Variants in PHACTR4 observed in about 807,000 individuals in gnomAD.
The protein encoded by PHACTR4 is phosphatase and actin regulator 4, also known as protein phosphatase 1, regulatory subunit 124.
In PHACTR4, 51 loss-of-function variants were observed where a neutral mutation model predicts 72.7. That is an observed-to-expected ratio of 0.70 (90% confidence interval 0.56 to 0.89). The LOEUF is 0.89. PHACTR4 is among the 40% of genes least tolerant of loss of function. PHACTR4 has a pLI of 0.00. For synonymous variants in PHACTR4, 255 were observed against 302.5 expected, an observed-to-expected ratio of 0.84 and a Z score of 1.63; for missense variants, 731 against 861.8, an observed-to-expected ratio of 0.85 and a Z score of 1.90.
At chr1:28,375,801 G>A (rs1286514690) in intron 1 of PHACTR4, among the ~76,000 whole-genome samples, 1 of 152,202 alleles carries the variant, frequency 6.6e-6, no homozygotes, top group Non-Finnish European at 1.5e-5. Flanking sequence ...CAGGCGCGGT[G>A]GCTCACGCCT....
At chr1:28,418,990 T>C (rs1466741287) in intron 2 of PHACTR4, among the ~76,000 whole-genome samples, 2 of 114,344 alleles carry the variant, frequency 1.7e-5, no homozygotes, top group African/African-American at 8.1e-5. Context: ...TCATTTGACC[T>C]TTCTATCCAT....
chr1:28,481,396 C>T (rs1156898149), intron 9 of PHACTR4: 1 of 152,176 alleles, frequency 6.6e-6, no homozygotes, highest in Non-Finnish European at 1.5e-5. Context: ...TAGCACTCCA[C>T]TTGACAAGGA....
chr1:28,423,687 T>C (rs1176518335), intron 2 of PHACTR4, among the ~76,000 whole-genome samples: 2 of 152,194 alleles, frequency 1.3e-5, no homozygotes, highest in African/African-American at 4.8e-5. Context: ...TTTGCCAGTT[T>C]TTAACTTAGA....
chr1:28,387,732 A>ATTT (rs529132196), intron 1 of PHACTR4, among the ~76,000 whole-genome samples: 77 of 147,370 alleles, frequency 5.2e-4, no homozygotes, highest in African/African-American at 6.7e-4. Context: ...ACAAAAAACA[A>ATTT]TTTTTTTTTT....
rs374190554 is a variant in PHACTR4, at chr1:28,414,488, C to A, written c.16+7025C>A. On this transcript the variant is annotated intron_variant, in intron 2 of 13. Coordinates refer to ENST00000373839, the MANE Select transcript of PHACTR4 (RefSeq NM_001048183.3). ...GACCTCCTGAGCTCAAACAATTCTC[C>A]CACCTCTGCCTCCCAAGTAGCTGGG... Among the ~76,000 whole-genome samples the A allele has an allele frequency of 9.4e-5, 14 of 148,576 alleles. No homozygotes were observed. The East Asian group carries it at 2.3e-3, about 25-fold the overall frequency.
intron 1 of PHACTR4, among the ~76,000 whole-genome samples, chr1:28,373,800 G>C (rs1332956198): frequency 6.6e-6 from 1 of 152,114 alleles, no homozygotes; most frequent in Non-Finnish European, 1.5e-5. Context: ...TGAGATGGTT[G>C]TTACTCTCAT....
intron 2 of PHACTR4, among the ~76,000 whole-genome samples, chr1:28,445,665 C>T (rs991903295): frequency 1.3e-5 from 2 of 152,028 alleles, no homozygotes; most frequent in African/African-American, 4.8e-5. Context: ...GGGTTCTCAC[C>T]CTTATGATAC....
intron 10 of PHACTR4, 89 bp from the exon 11 acceptor site, chr1:28,490,862 A>G (rs1412738010): frequency 7.5e-7 from 1 of 1,327,030 alleles, no homozygotes; most frequent in East Asian, 2.3e-5. Context: ...AAAACAAAAA[A>G]GAAATATCTG....
At chr1:28,386,806 T>C (rs1652590524) in intron 1 of PHACTR4, among the ~76,000 whole-genome samples, 1 of 152,230 alleles carries the variant, frequency 6.6e-6, no homozygotes, top group South Asian at 2.1e-4. Context: ...ATCTGCACTT[T>C]ATATAGGACC....
At chr1:28,396,845 C>CTTTTCTTTTTTTTTTT (rs1653543925) in intron 1 of PHACTR4, among the ~76,000 whole-genome samples, 1 of 119,666 alleles carries the variant, frequency 8.4e-6, no homozygotes. Flanking sequence ...TTCTTTCTTT[C>CTTTTCTTTTTTTTTTT]TTTTTTTTTT....
chr1:28,492,941 C>T (rs1661126857), intron 12 of PHACTR4, 74 bp from the exon 13 acceptor site: 1 of 1,340,356 alleles, frequency 7.5e-7, no homozygotes, highest in Non-Finnish European at 1.1e-6. Context: ...AAACACAGTA[C>T]AGAAAAATGA....
rs112075411 is a variant in PHACTR4 at position 28,486,597 on chromosome 1, T to C, written c.1761-2573T>C. ...AAAGGAAGGCCCAGGCCAGGCATGG[T>C]GGCTCATGCCTGTAATCCCAACACT... On this transcript the variant is annotated intron_variant, in intron 9 of 13. Coordinates refer to ENST00000373839, the MANE Select transcript of PHACTR4 (RefSeq NM_001048183.3). Among the ~76,000 whole-genome samples, 1,050 of 152,248 alleles carry C rather than the reference T, an allele frequency of 6.9e-3. 10 individuals are homozygous for C. The highest frequency in any genetic ancestry group is 0.011 in the South Asian group (51 of 4,828).
Position 28,414,579 on chromosome 1 carries a change from T to C in PHACTR4, c.16+7116T>C, listed in dbSNP as rs1654993195. Among the ~76,000 whole-genome samples the C allele has an allele frequency of 2.0e-5, 3 of 152,164 alleles. No homozygotes were observed. The South Asian group carries it at 6.2e-4, about 32-fold the overall frequency. On this transcript the variant is annotated intron_variant, in intron 2 of 13. Coordinates refer to ENST00000373839, the MANE Select transcript of PHACTR4 (RefSeq NM_001048183.3). ...TTTTTGTAAAGATGCAGTCTCCCTA[T>C]GTTGCCCAGGCTGGTCTTGAACTCC...
At chr1:28,468,821 A>C (rs945428339) in intron 6 of PHACTR4, among the ~76,000 whole-genome samples, 4 of 152,184 alleles carry the variant, frequency 2.6e-5, no homozygotes, top group African/African-American at 9.7e-5. Context: ...AGGTTCCCAG[A>C]TGACACTGAT....
intron 2 of PHACTR4, among the ~76,000 whole-genome samples, chr1:28,425,476 A>G (rs928487442): frequency 6.6e-6 from 1 of 152,248 alleles, no homozygotes; most frequent in African/African-American, 2.4e-5. Flanking sequence ...CTATTTATAT[A>G]GTCATCCTAG....
At chr1:28,398,732 T>C (rs903142262) in intron 1 of PHACTR4, among the ~76,000 whole-genome samples, 7 of 151,364 alleles carry the variant, frequency 4.6e-5, no homozygotes, top group African/African-American at 1.5e-4. Context: ...GGCAGGAGAA[T>C]TGCTTGAACC....
Position 28,474,078 on chromosome 1 carries a change from G to A in PHACTR4, c.1348G>A (p.Asp450Asn), listed in dbSNP as rs1399350549. The A allele has an allele frequency of 1.9e-6, 3 of 1,614,170 alleles. No individual in the cohort carries two copies. The South Asian group carries it at 3.3e-5, about 18-fold the overall frequency. Reference protein sequence around the residue: ...RAHSLLFENSDSFSEDSSTLG... With the variant: ...RAHSLLFENSNSFSEDSSTLG... ...TCATTCGTTGCTTTTTGAAAACAGTGACAGCTTTTCTGAGGACAGCAGTAC... is the reference window on the plus strand; with the variant it reads ...TCATTCGTTGCTTTTTGAAAACAGTAACAGCTTTTCTGAGGACAGCAGTAC... Residue 450 changes from aspartate to asparagine, a missense_variant, in exon 7 of 14, where the codon GAC becomes AAC. Transcript: ENST00000373839.
intron 10 of PHACTR4, 58 bp from the exon 11 acceptor site, chr1:28,490,893 T>G: frequency 6.7e-7 from 1 of 1,499,004 alleles, no homozygotes; most frequent in Non-Finnish European, 9.3e-7. Flanking sequence ...ACTAAAACGT[T>G]TGATATGCAA....
chr1:28,396,423 C>T (rs568038551), intron 1 of PHACTR4, among the ~76,000 whole-genome samples: 17 of 151,464 alleles, frequency 1.1e-4, no homozygotes, highest in African/African-American at 2.7e-4. Flanking sequence ...CCCAGCTACT[C>T]GGGAGGCTGA....
Sources: gnomAD v4.1 joint callset for allele counts (sites outside exome capture counted in the v4.1 genomes callset) on GRCh38, gnomAD v4.1.1 for gene constraint, MANE v1.5 for transcripts, NCBI Gene and HGNC (gene_info 2026-07-23, HGNC 2026-07-21) for gene names.